Variants in CNTNAP2 observed in about 807,000 individuals in gnomAD.
The protein encoded by CNTNAP2 is contactin-associated protein-like 2.
A neutral mutation model predicts 155.2 loss-of-function variants in CNTNAP2; 98 were observed. That is an observed-to-expected ratio of 0.63 (90% CI 0.54 to 0.75). CNTNAP2 has a LOEUF of 0.75. CNTNAP2 is among the 30% of genes least tolerant of loss of function. CNTNAP2 has a pLI of 0.00. For missense variants in CNTNAP2, 1,727 were observed against 1,688.1 expected (o/e 1.02, Z -0.40); for synonymous variants, 651 against 631.2 (o/e 1.03, Z -0.47).
chr7:147,210,952 T>C (rs1369893682), intron 8 of CNTNAP2, among the ~76,000 whole-genome samples: 1 of 151,936 alleles, frequency 6.6e-6, no homozygotes, highest in Non-Finnish European at 1.5e-5. Context: ...CTTCGTATGA[T>C]TTAGATTTTT....
chr7:147,862,941 A>ATG lies in CNTNAP2; in HGVS notation c.2099-40623_2099-40622insGT, dbSNP rs951820901. On this transcript the variant is annotated intron_variant, in intron 13 of 23. Transcript: ENST00000361727. ...CTTTCCATTTCTTTTATATTTTTATATATATATATTTTAAGTTCTAGGGTA... is the reference window on the plus strand; with the variant it reads ...CTTTCCATTTCTTTTATATTTTTATATGTATATATATTTTAAGTTCTAGGGTA... Among the ~76,000 whole-genome samples, 49 of 152,034 alleles carry ATG rather than the reference A, an allele frequency of 3.2e-4. 1 individual carries two copies. The highest frequency in any genetic ancestry group is 1.0e-3 in the African/African-American group (42 of 41,512).
At chr7:147,556,259 A>T (rs1037434735) in intron 11 of CNTNAP2, among the ~76,000 whole-genome samples, 9 of 141,848 alleles carry the variant, frequency 6.3e-5, no homozygotes, top group Non-Finnish European at 1.6e-5. Flanking sequence ...GCTTAATAAA[A>T]GTTATTCTTT....
rs963813180 is a variant in CNTNAP2, at chr7:146,405,302, C to A, written c.97+288329C>A. ...CTCTCTCACTGGCAAGGATAACAAC[C>A]CTGACTGAAAGAATCCTTACATTAT... On this transcript the variant is annotated intron_variant, in intron 1 of 23. Transcript: ENST00000361727. Among the ~76,000 whole-genome samples, 24 of 152,010 alleles carry A rather than the reference C, an allele frequency of 1.6e-4. 1 individual carries two copies. Among genetic ancestry groups the A allele is most frequent in the African/African-American group, 5.8e-4 (24 of 41,370 alleles).
chr7:146,502,695 T>A (rs193301180), intron 1 of CNTNAP2, among the ~76,000 whole-genome samples: 1 of 152,252 alleles, frequency 6.6e-6, no homozygotes, highest in Admixed American at 6.5e-5. Flanking sequence ...TACTGCAACC[T>A]CTCCCTCCCA....
chr7:146,993,703 C>T lies in CNTNAP2; in HGVS notation c.403-50204C>T, dbSNP rs144903503. Among the ~76,000 whole-genome samples, 63 of 152,162 alleles carry T rather than the reference C, an allele frequency of 4.1e-4. No homozygotes were observed. In the East Asian group the frequency reaches 8.7e-3, roughly 21 times the overall value. ...GTCATGATGATTTTACAGGTGTATA[C>T]GTATCCCCAAATTCATGAAGTTGTA... On this transcript the variant is annotated intron_variant, in intron 3 of 23. Coordinates refer to ENST00000361727, the MANE Select transcript of CNTNAP2 (RefSeq NM_014141.6).
intron 1 of CNTNAP2, among the ~76,000 whole-genome samples, chr7:146,294,896 A>C (rs2129087235): frequency 6.6e-6 from 1 of 152,324 alleles, no homozygotes; most frequent in Non-Finnish European, 1.5e-5. Context: ...TTGTTCACCA[A>C]AAGAATTTAT....
At position 146,310,592 on chromosome 7, in the gene CNTNAP2, G is replaced by C. The variant is rs1800802667; in HGVS notation, c.97+193619G>C. Among the ~76,000 whole-genome samples, 5 of 151,874 alleles carry C rather than the reference G, an allele frequency of 3.3e-5. No homozygotes were observed. In the South Asian group the frequency reaches 1.0e-3, roughly 32 times the overall value. On this transcript the variant is annotated intron_variant, in intron 1 of 23. Coordinates refer to ENST00000361727, the MANE Select transcript of CNTNAP2 (RefSeq NM_014141.6). The stretch of plus-strand genomic sequence containing the variant: ...TAATGCATCCCCCTGTTGATGTACA[G>C]TTTAATATCTGATATAACACTAAGA...
chr7:146,935,563 A>G (rs978204644), intron 3 of CNTNAP2, among the ~76,000 whole-genome samples: 4 of 152,236 alleles, frequency 2.6e-5, no homozygotes, highest in South Asian at 2.1e-4. Flanking sequence ...GAGTAAAAGA[A>G]GCAATGATTA....
intron 1 of CNTNAP2, among the ~76,000 whole-genome samples, chr7:146,416,431 T>C (rs1795939636): frequency 6.6e-6 from 1 of 152,086 alleles, no homozygotes. Context: ...ACCACATTGA[T>C]GCCAAATAGT....
intron 2 of CNTNAP2, among the ~76,000 whole-genome samples, chr7:146,830,532 T>G (rs1803490211): frequency 6.6e-6 from 1 of 152,178 alleles, no homozygotes; most frequent in East Asian, 1.9e-4. Context: ...ATTGTAAATA[T>G]AATATTCTAC....
At chr7:147,047,109 T>C (rs1230703374) in intron 4 of CNTNAP2, among the ~76,000 whole-genome samples, 9 of 139,074 alleles carry the variant, frequency 6.5e-5, no homozygotes, top group Admixed American at 1.4e-4. Context: ...ATGTTTCTTT[T>C]TTTTTTTTTT....
chr7:147,792,932 A>C (rs1354178977), intron 13 of CNTNAP2, among the ~76,000 whole-genome samples: 1 of 152,122 alleles, frequency 6.6e-6, no homozygotes, highest in East Asian at 1.9e-4. Context: ...TTTTGATGTT[A>C]ATTTCCCTGA....
At chr7:146,589,990 A>G (rs1006034754) in intron 1 of CNTNAP2, among the ~76,000 whole-genome samples, 7 of 152,190 alleles carry the variant, frequency 4.6e-5, no homozygotes, top group African/African-American at 1.4e-4. Context: ...CACTCACATT[A>G]CTTTGGCCAG....
At chr7:147,805,272 A>G (rs112420694) in intron 13 of CNTNAP2, among the ~76,000 whole-genome samples, 14 of 152,266 alleles carry the variant, frequency 9.2e-5, no homozygotes, top group African/African-American at 3.4e-4. Flanking sequence ...CTGGGATTAT[A>G]GGTGTGAGCC....
intron 14 of CNTNAP2, among the ~76,000 whole-genome samples, chr7:147,950,108 G>A (rs571537173): frequency 3.9e-5 from 6 of 151,932 alleles, no homozygotes; most frequent in South Asian, 4.2e-4. Context: ...AATCCTGGGG[G>A]GTGTTTCACA....
chr7:147,915,424 C>T (rs1379432271), intron 14 of CNTNAP2, among the ~76,000 whole-genome samples: 1 of 152,188 alleles, frequency 6.6e-6, no homozygotes, highest in Non-Finnish European at 1.5e-5. Context: ...TCCCAATACT[C>T]AGTGGTCTTA....
chr7:146,935,542 T>C (rs1585168009), intron 3 of CNTNAP2, among the ~76,000 whole-genome samples: 1 of 152,190 alleles, frequency 6.6e-6, no homozygotes, highest in Non-Finnish European at 1.5e-5. Flanking sequence ...AGGTACTTTT[T>C]CCATGGTTTG....
chr7:148,343,306 C>T (rs1355055021), intron 21 of CNTNAP2, among the ~76,000 whole-genome samples: 1 of 152,180 alleles, frequency 6.6e-6, no homozygotes, highest in Non-Finnish European at 1.5e-5. Context: ...AAGTGGCTCC[C>T]GTCCCGGTGC....
chr7:146,437,447 A>G (rs1349323372), intron 1 of CNTNAP2, among the ~76,000 whole-genome samples: 3 of 151,578 alleles, frequency 2.0e-5, no homozygotes, highest in Non-Finnish European at 2.9e-5. Context: ...CATATTATCT[A>G]GTGAAATGCG....
Sources: gnomAD v4.1 joint callset for allele counts (sites outside exome capture counted in the v4.1 genomes callset) on GRCh38, gnomAD v4.1.1 for gene constraint, MANE v1.5 for transcripts, NCBI Gene and HGNC (gene_info 2026-07-23, HGNC 2026-07-21) for gene names.